The following MFSD1 variants were observed in gnomAD, a reference collection of about 807,000 sequenced individuals.
The protein encoded by MFSD1 is major facilitator superfamily domain containing 1, also known as lysosomal dipeptide transporter MFSD1.
Under a neutral mutation model 67.1 loss-of-function variants are expected in MFSD1, and 59 were observed. The observed-to-expected ratio is 0.88, with a 90% CI of 0.71 to 1.09. The LOEUF (loss-of-function observed/expected upper bound fraction) is 1.09, where lower values mean the gene tolerates loss of function less well. MFSD1 is among the 50% of genes least tolerant of loss of function. The probability of loss-of-function intolerance (pLI) is 0.00; values close to 1 mark genes in which losing one functional copy is unlikely to be tolerated. For synonymous variants in MFSD1, 213 were observed against 200.3 expected, an observed-to-expected ratio of 1.06 and a Z score of -0.54; for missense variants, 552 against 566.1, an observed-to-expected ratio of 0.97 and a Z score of 0.25.
intron 1 of MFSD1, 190 bp downstream of exon 1, chr3:158,802,505 G>A: frequency 3.9e-6 from 3 of 773,850 alleles, no homozygotes; most frequent in Non-Finnish European, 6.7e-6. Flanking sequence ...GTTACTCCGC[G>A]TCCGGAACGT....
chr3:158,807,161 G>A (rs1465486131), intron 4 of MFSD1, 79 bp downstream of exon 4: 1 of 1,337,584 alleles, frequency 7.5e-7, no homozygotes, highest in African/African-American at 1.5e-5. Context: ...TGGCAAAGCT[G>A]TGTTTAATTA....
intron 1 of MFSD1, among the ~76,000 whole-genome samples, chr3:158,803,351 C>CT (rs35288273): frequency 1.3e-5 from 2 of 152,012 alleles, no homozygotes; most frequent in African/African-American, 4.8e-5. Flanking sequence ...CTTGCAACTC[C>CT]TTTTTCCCCC....
intron 3 of MFSD1, among the ~76,000 whole-genome samples, chr3:158,806,832 G>C (rs1729750464): frequency 6.6e-6 from 1 of 152,118 alleles, no homozygotes; most frequent in Non-Finnish European, 1.5e-5. Flanking sequence ...GACTTCTGTA[G>C]ATTCATATTT....
chr3:158,805,265 A>C (rs1729666457), intron 2 of MFSD1, 97 bp from the exon 3 acceptor site: 3 of 975,700 alleles, frequency 3.1e-6, no homozygotes, highest in South Asian at 2.6e-5. Context: ...AGAAAGAAGA[A>C]TGTAACTACT....
At chr3:158,802,733 C>T (rs1375156766) in intron 1 of MFSD1, 1 of 366,510 alleles carries the variant, frequency 2.7e-6, no homozygotes, top group East Asian at 7.3e-5. Context: ...CAGGGGCTTG[C>T]TCTGTCACCC....
At position 158,824,148 on chromosome 3, in the gene MFSD1, G is replaced by A. The variant is rs753592056; in HGVS notation, c.1200G>A (p.Gly400=). The change falls in exon 13 of 16, where the codon GGG becomes GGA. Residue 400 remains glycine, a synonymous_variant. Coordinates refer to ENST00000415822, the MANE Select transcript of MFSD1 (RefSeq NM_022736.4). ...YGFMQSIQNL[G]LAIISIIAGM... ...GCATGCAGTCCATTCAGAATCTTGG[G>A]TTGGCCATCATTTCCATCATTGCTG... 1.2e-6 allele frequency: 2 copies of A among 1,612,534 alleles called. No homozygotes were observed. Among genetic ancestry groups the A allele is most frequent in the African/African-American group, 1.3e-5 (1 of 74,582 alleles).
intron 2 of MFSD1, 140 bp from the exon 3 acceptor site, chr3:158,805,222 C>A: frequency 1.4e-6 from 1 of 701,628 alleles, no homozygotes; most frequent in Admixed American, 2.1e-5. Context: ...GTTAGTGAGA[C>A]TTATAAATGG....
chr3:158,819,701 G>A lies in MFSD1; in HGVS notation c.705G>A (p.Leu235=). 6.2e-7 allele frequency: 1 copy of A among 1,608,918 alleles called. No individual in the cohort carries two copies. Among genetic ancestry groups the A allele is most frequent in the African/African-American group, 1.3e-5 (1 of 74,578 alleles). The change falls in exon 8 of 16, where the codon TTG becomes TTA. Residue 235 remains leucine, a synonymous_variant. Transcript: ENST00000415822. ...TCTGTGCCTTGGCTCTTGCCTACTT[G>A]GATCAGAGAGCAGAGAGAATCCTTC... ...SLICALALAY[L]DQRAERILHK... is the part of the protein sequence containing the mutation.
chr3:158,808,022 T>G (rs945929455), intron 5 of MFSD1, among the ~76,000 whole-genome samples: 5 of 152,180 alleles, frequency 3.3e-5, no homozygotes. Flanking sequence ...CTGACTCAGT[T>G]TTAAAAGCAT....
At position 158,824,169 on chromosome 3, in the gene MFSD1, T is replaced by A. The variant is rs144050796; in HGVS notation, c.1221T>A (p.Ile407=). ...QNLGLAIISI[I]AGMILDSRGY... ...TTGGGTTGGCCATCATTTCCATCATTGCTGGTATGATACTGGATTCTCGGG... is the reference window on the plus strand; with the variant it reads ...TTGGGTTGGCCATCATTTCCATCATAGCTGGTATGATACTGGATTCTCGGG... The change falls in exon 13 of 16, where the codon ATT becomes ATA. Residue 407 remains isoleucine, a synonymous_variant. Transcript: ENST00000415822. 4.6e-5 allele frequency: 74 copies of A among 1,613,592 alleles called. No individual in the cohort carries two copies. Among genetic ancestry groups the A allele is most frequent in the Admixed American group, 8.3e-5 (5 of 59,932 alleles).
At chr3:158,823,306 C>A (rs1171655865) in intron 11 of MFSD1, 122 bp from the exon 12 acceptor site, 4 of 711,248 alleles carry the variant, frequency 5.6e-6, no homozygotes, top group Admixed American at 2.1e-5. Context: ...AGCCTAATAA[C>A]AACAAAATTT....
chr3:158,824,836 A>T (rs566339609), intron 13 of MFSD1, among the ~76,000 whole-genome samples: 1 of 152,194 alleles, frequency 6.6e-6, no homozygotes, highest in South Asian at 2.1e-4. Flanking sequence ...ATTTTATCAA[A>T]CTTTGTTTTC....
At chr3:158,812,445 C>T (rs985163736) in intron 6 of MFSD1, among the ~76,000 whole-genome samples, 3 of 152,228 alleles carry the variant, frequency 2.0e-5, no homozygotes, top group South Asian at 2.1e-4. Flanking sequence ...CTCATTTCAC[C>T]TCCTCAAGAT....
rs749632950 is a variant in MFSD1 at position 158,823,545 on chromosome 3, A to T, written c.1175+20A>T. 6.8e-7 allele frequency: 1 copy of T among 1,465,174 alleles called. No individual in the cohort carries two copies. Among genetic ancestry groups the T allele is most frequent in the South Asian group, 1.1e-5 (1 of 88,098 alleles). The allele number at this position is 1,465,174 out of a possible 1,614,324, so 90.8% of individuals were successfully genotyped here. ...TGGCTTGTAAGTATTTACGCTGTGG[A>T]TCGTATATGTCTGTCTCTGCTATGT... is the stretch of plus-strand genomic sequence containing the variant. On this transcript the variant is annotated intron_variant, in intron 12 of 15. Coordinates refer to ENST00000415822, the MANE Select transcript of MFSD1 (RefSeq NM_022736.4).
chr3:158,810,026 CGTTT>C (rs919254769), intron 6 of MFSD1, among the ~76,000 whole-genome samples: 2 of 152,032 alleles, frequency 1.3e-5, no homozygotes, highest in Non-Finnish European at 2.9e-5. Context: ...TTATGGGTTT[CGTTT>C]GTTTGTTTGT....
chr3:158,805,110 A>G (rs1309241230), intron 2 of MFSD1, among the ~76,000 whole-genome samples: 1 of 152,198 alleles, frequency 6.6e-6, no homozygotes, highest in Admixed American at 6.5e-5. Flanking sequence ...GGAATCCAGG[A>G]AGCCCCTGAA....
rs760377541 is a variant in MFSD1 at position 158,809,174 on chromosome 3, T to G, written c.441-5T>G. ...TCTGGTTTTTTTTTTTTTTTCTATT[T>G]TTAGGATTGGTGGCGAGTCCTTAGC... On this transcript the variant is annotated splice_polypyrimidine_tract_variant and splice_region_variant and intron_variant, in intron 5 of 15. Transcript: ENST00000415822. 2.6e-6 allele frequency: 4 copies of G among 1,555,166 alleles called. No individual in the cohort carries two copies. Among genetic ancestry groups the G allele is most frequent in the African/African-American group, 1.4e-5 (1 of 71,668 alleles).
intron 12 of MFSD1, among the ~76,000 whole-genome samples, chr3:158,823,882 C>T (rs971153575): frequency 2.0e-5 from 3 of 152,144 alleles, no homozygotes; most frequent in Non-Finnish European, 4.4e-5. Flanking sequence ...TCATTCAGCA[C>T]AAAGGTATTG....
intron 1 of MFSD1, among the ~76,000 whole-genome samples, chr3:158,803,181 A>T (rs1394607763): frequency 6.6e-6 from 1 of 152,164 alleles, no homozygotes; most frequent in Non-Finnish European, 1.5e-5. Flanking sequence ...ACAGTTTTTA[A>T]TTTATTAAGC....
Sources: gnomAD v4.1 joint callset for allele counts (sites outside exome capture counted in the v4.1 genomes callset) on GRCh38, gnomAD v4.1.1 for gene constraint, MANE v1.5 for transcripts, NCBI Gene and HGNC (gene_info 2026-07-23, HGNC 2026-07-21) for gene names.